Variants in RIN2 observed in about 807,000 individuals in gnomAD.
The protein encoded by RIN2 is RAB5 interacting protein 2.
RIN2 carries 36 observed loss-of-function variants against 78.0 expected under a neutral mutation model. The observed-to-expected ratio is 0.46, with a 90% CI of 0.35 to 0.61. The LOEUF (loss-of-function observed/expected upper bound fraction) is 0.61, where lower values mean the gene tolerates loss of function less well. Among genes scored for constraint, RIN2 ranks in the 20% least tolerant of loss-of-function variants. The probability of loss-of-function intolerance (pLI) is 0.00; values close to 1 mark genes in which losing one functional copy is unlikely to be tolerated. For missense variants in RIN2, 1,087 were observed against 1,159.7 expected (o/e 0.94, Z 0.91); for synonymous variants, 466 against 466.8 (o/e 1.00, Z 0.02).
Position 19,975,796 on chromosome 20 carries a change from C to A in RIN2, c.1762+9C>A, listed in dbSNP as rs1277189782. The A allele has an allele frequency of 6.3e-7, 1 of 1,594,004 alleles. No individual in the cohort carries two copies. Among genetic ancestry groups the A allele is most frequent in the Non-Finnish European group, 8.5e-7 (1 of 1,170,082 alleles). ...CCCTGAAGACCAAATAGGTAAGTACCCTCTTTTTTAAAATATAAAATCTAT... is the reference window on the plus strand; with the variant it reads ...CCCTGAAGACCAAATAGGTAAGTACACTCTTTTTTAAAATATAAAATCTAT... On this transcript the variant is annotated intron_variant, in intron 9 of 12. Transcript: ENST00000255006. This position sits in a 1 kb window ranked among gnomAD's most constrained non-coding sequence, Gnocchi z 4.9.
chr20:19,880,389 A>ATTT (rs2037987263), intron 2 of RIN2, among the ~76,000 whole-genome samples: 1 of 124,240 alleles, frequency 8.0e-6, no homozygotes, highest in African/African-American at 3.2e-5. Flanking sequence ...AGAGGAAGTC[A>ATTT]TTCTTTTTTT....
At chr20:19,891,412 C>T (rs1465493831) in intron 3 of RIN2, among the ~76,000 whole-genome samples, 1 of 152,194 alleles carries the variant, frequency 6.6e-6, no homozygotes, top group Non-Finnish European at 1.5e-5. Flanking sequence ...ACCCAAAGCA[C>T]TGTCTAGATC....
intron 2 of RIN2, among the ~76,000 whole-genome samples, chr20:19,881,102 T>A (rs1211977750): frequency 1.3e-5 from 2 of 152,196 alleles, no homozygotes; most frequent in Non-Finnish European, 2.9e-5. Flanking sequence ...AAGAATCAAA[T>A]AAAAGCCACC....
chr20:19,782,116 G>A (rs2034529316), intron 1 of RIN2, among the ~76,000 whole-genome samples: 1 of 152,136 alleles, frequency 6.6e-6, no homozygotes, highest in Admixed American at 6.5e-5. Context: ...AGACAAAGAT[G>A]AATGGAGAAT....
At chr20:19,943,119 G>C (rs1056897142) in intron 4 of RIN2, among the ~76,000 whole-genome samples, 5 of 152,328 alleles carry the variant, frequency 3.3e-5, no homozygotes, top group Middle Eastern at 6.8e-3. Context: ...AGCCCGCCTG[G>C]CTCCTTCTTC....
chr20:19,846,696 T>G (rs1341242622), intron 2 of RIN2, among the ~76,000 whole-genome samples: 1 of 152,260 alleles, frequency 6.6e-6, no homozygotes, highest in Non-Finnish European at 1.5e-5. Flanking sequence ...TCTTCCTATT[T>G]GAATATGCTT....
rs373644035 is a variant in RIN2, at chr20:20,000,821, C to T, written c.2573C>T (p.Ala858Val). The change falls in exon 13 of 13, where the codon GCG becomes GTG. Residue 858 changes from alanine (A) to valine (V), a missense_variant. Ala to Val is a moderately conservative substitution (Grantham distance 64). This residue lies in a region of RIN2 where 160 missense variants were observed against 179.4 expected (regional missense o/e 0.89). Transcript: ENST00000255006. ...GACACTTACCCTCAAAAAATCAAGG[C>T]GGAGCTGCACAGCCGACCACAGCCC... ...AEDTYPQKIK[A>V]ELHSRPQPHI... The T allele has an allele frequency of 5.6e-6, 9 of 1,613,842 alleles. No homozygotes were observed. Among genetic ancestry groups the T allele is most frequent in the African/African-American group, 1.3e-5 (1 of 74,918 alleles).
At chr20:19,818,102 G>GT (rs11460954) in intron 2 of RIN2, among the ~76,000 whole-genome samples, 43,686 of 152,032 alleles carry the variant, frequency 0.29, 6,707 homozygotes, top group African/African-American at 0.41. Flanking sequence ...TGTGCAGCAT[G>GT]TACTGTACTG....
intron 2 of RIN2, among the ~76,000 whole-genome samples, chr20:19,829,822 C>T (rs900023034): frequency 2.6e-5 from 4 of 152,262 alleles, no homozygotes; most frequent in African/African-American, 9.6e-5. Flanking sequence ...GGCTGCTGCT[C>T]AGAGCAACTC....
chr20:19,972,152 C>A (rs1490095882), intron 8 of RIN2, among the ~76,000 whole-genome samples: 3 of 152,116 alleles, frequency 2.0e-5, no homozygotes, highest in Non-Finnish European at 4.4e-5. Context: ...AACTCTCGGG[C>A]CATAGAAACG....
chr20:19,990,295 C>T lies in RIN2; in HGVS notation c.2052C>T (p.Val684=). The T allele has an allele frequency of 6.2e-7, 1 of 1,612,354 alleles. No individual in the cohort carries two copies. The highest frequency in any genetic ancestry group is 2.2e-5 in the East Asian group (1 of 44,870). Residue 684 remains valine (V), a synonymous_variant, in exon 10 of 13, where the codon GTC becomes GTT. Coordinates refer to ENST00000255006, the MANE Select transcript of RIN2 (RefSeq NM_018993.4). ...GGGTCTGCAAGCTCATTTACACGGTCATGGAGAACAACTCAGGTGAGGCCG... is the reference window on the plus strand; with the variant it reads ...GGGTCTGCAAGCTCATTTACACGGTTATGGAGAACAACTCAGGTGAGGCCG... ...LLRVCKLIYT[V]MENNSGRMYG... is the part of the protein sequence containing the mutation.
intron 3 of RIN2, among the ~76,000 whole-genome samples, chr20:19,919,717 G>T (rs940743551): frequency 6.6e-6 from 1 of 151,936 alleles, no homozygotes; most frequent in African/African-American, 2.4e-5. Flanking sequence ...GAGGCAGAAG[G>T]ATTGCTTGAA....
intron 5 of RIN2, 31 bp from the exon 6 acceptor site, chr20:19,960,669 C>A: frequency 1.4e-6 from 2 of 1,471,202 alleles, no homozygotes; most frequent in Non-Finnish European, 1.9e-6. Context: ...TAGATATTTC[C>A]TAAAGCTTGT....
intron 3 of RIN2, among the ~76,000 whole-genome samples, chr20:19,931,234 G>A (rs888032909): frequency 2.0e-5 from 3 of 152,136 alleles, no homozygotes; most frequent in Non-Finnish European, 2.9e-5. Context: ...GTCTATGTGT[G>A]TATCTATAAA....
chr20:19,926,946 G>T (rs917234570), intron 3 of RIN2, among the ~76,000 whole-genome samples: 1 of 152,182 alleles, frequency 6.6e-6, no homozygotes, highest in African/African-American at 2.4e-5. Flanking sequence ...AAGACTTGGG[G>T]TTCCTCCCTT....
intron 3 of RIN2, among the ~76,000 whole-genome samples, chr20:19,918,501 CG>C (rs113423622): frequency 0.024 from 3,646 of 152,048 alleles, 138 homozygotes; most frequent in African/African-American, 0.08. Flanking sequence ...ACACCTTAAA[CG>C]AACTTTGTCA....
At chr20:19,884,496 A>G (rs1218592137) in intron 2 of RIN2, among the ~76,000 whole-genome samples, 2 of 152,176 alleles carry the variant, frequency 1.3e-5, no homozygotes, top group African/African-American at 4.8e-5. Flanking sequence ...TTCTTTCCAT[A>G]TGACTTCTTT....
At chr20:19,839,977 G>A (rs935080898) in intron 2 of RIN2, among the ~76,000 whole-genome samples, 5 of 152,310 alleles carry the variant, frequency 3.3e-5, no homozygotes, top group African/African-American at 9.6e-5. Flanking sequence ...TAAAAAATAT[G>A]TTAATACATG....
chr20:19,942,809 C>T (rs576724306), intron 4 of RIN2, among the ~76,000 whole-genome samples: 158 of 152,298 alleles, frequency 1.0e-3, no homozygotes, highest in Non-Finnish European at 1.9e-3. Flanking sequence ...ACCTTGGCCA[C>T]ACAATGTCAC....
Sources: gnomAD v4.1 joint callset for allele counts (sites outside exome capture counted in the v4.1 genomes callset) on GRCh38, gnomAD v4.1.1 for gene constraint, gnomAD v4.1.1 regional missense constraint, Gnocchi (gnomAD v3.1) non-coding constraint, MANE v1.5 for transcripts, NCBI Gene and HGNC (gene_info 2026-07-23, HGNC 2026-07-21) for gene names.